AVEN: variants seen among roughly 807,000 people sequenced by gnomAD.
AVEN encodes cell death regulator Aven.
A neutral mutation model predicts 38.1 loss-of-function variants in AVEN; 41 were observed. The ratio of observed to expected loss-of-function variants is 1.08; its 90% confidence interval spans 0.84 to 1.40. AVEN has a LOEUF of 1.40. Among genes scored for constraint, AVEN ranks in the 40% most tolerant of loss-of-function variants. The probability of loss-of-function intolerance (pLI) is 0.00; values close to 1 mark genes in which losing one functional copy is unlikely to be tolerated. For synonymous variants in AVEN, 206 were observed against 171.8 expected (o/e 1.20, Z -1.56); for missense variants, 605 against 438.8 (o/e 1.38, Z -3.38).
At chr15:33,995,005 T>A (rs1225981565) in intron 2 of AVEN, among the ~76,000 whole-genome samples, 1 of 152,214 alleles carries the variant, frequency 6.6e-6, no homozygotes, top group Non-Finnish European at 1.5e-5. Context: ...CTCACACCTG[T>A]AATCTCAGCA....
chr15:34,006,099 G>C (rs963626276), intron 1 of AVEN, among the ~76,000 whole-genome samples: 4 of 151,866 alleles, frequency 2.6e-5, no homozygotes, highest in Non-Finnish European at 5.9e-5. Context: ...ATCACAAGGT[G>C]AGGAGATCGA....
At chr15:34,059,912 C>T (rs1479689847) in intron 5 of AVEN, among the ~76,000 whole-genome samples, 2 of 152,152 alleles carry the variant, frequency 1.3e-5, no homozygotes, top group Non-Finnish European at 2.9e-5. Context: ...GAGACATTAG[C>T]CTATTCCATG....
intron 5 of AVEN, among the ~76,000 whole-genome samples, chr15:34,048,755 C>G (rs1899820892): frequency 6.6e-6 from 1 of 152,212 alleles, no homozygotes; most frequent in African/African-American, 2.4e-5. Flanking sequence ...TGACTGACAC[C>G]TCCCAAAAGG....
chr15:33,944,249 T>C (rs1056361448), intron 2 of AVEN, among the ~76,000 whole-genome samples: 3 of 152,146 alleles, frequency 2.0e-5, no homozygotes, highest in African/African-American at 7.2e-5. Flanking sequence ...CAAGCAACTA[T>C]ACTGTGGTAA....
In AVEN at chr15:34,058,730, C is replaced by T. The variant is rs1900240934; in HGVS notation, n.1637+4192G>A. Among the ~76,000 whole-genome samples the T allele has an allele frequency of 2.0e-5, 3 of 152,150 alleles. No homozygotes were observed. The South Asian group carries it at 6.2e-4, about 32-fold the overall frequency. On this transcript the variant is annotated intron_variant and non_coding_transcript_variant, in intron 5 of 11. Transcript: ENST00000675287. ...TAAAGCCAAATTCTTCTGGTCAGCT[C>T]ATCAGAACATTTATTTCACAAAATG...
In AVEN at chr15:33,955,456, C is replaced by T. The variant is rs185250689; in HGVS notation, c.445+47576G>A. Among the ~76,000 whole-genome samples the T allele has an allele frequency of 8.1e-3, 1,240 of 152,268 alleles. 10 individuals carry two copies. Among genetic ancestry groups the T allele is most frequent in the Non-Finnish European group, 0.014 (950 of 68,018 alleles). ...TGCAGGCATAATCCACAACGTACAA[C>T]GCTTAAAACTATAATGTACCACACA... On this transcript the variant is annotated intron_variant, in intron 2 of 5. Transcript: ENST00000306730.
downstream of AVEN, chr15:33,854,946 C>T: frequency 6.3e-7 from 1 of 1,581,590 alleles, no homozygotes; most frequent in Non-Finnish European, 8.6e-7. Flanking sequence ...CAGAATGGAC[C>T]TGTATATGCA....
intron 5 of AVEN, among the ~76,000 whole-genome samples, chr15:34,057,376 G>A (rs1237348621): frequency 1.3e-5 from 2 of 150,718 alleles, no homozygotes; most frequent in South Asian, 2.1e-4. Context: ...TCTCTTTACC[G>A]CATGATCCAC....
At position 34,030,015 on chromosome 15, in the gene AVEN, A is replaced by G. The variant is rs138323082; in HGVS notation, c.267+8765T>C. Among the ~76,000 whole-genome samples the G allele has an allele frequency of 6.0e-3, 908 of 152,302 alleles. 21 individuals are homozygous for G. Among genetic ancestry groups the G allele is most frequent in the Admixed American group, 0.043 (659 of 15,296 alleles). ...ACACTTGTAATCCCAGCACTTTGGGAGGCCGAGGCAGGCGGATCACTTGAG... is the reference window on the plus strand; with the variant it reads ...ACACTTGTAATCCCAGCACTTTGGGGGGCCGAGGCAGGCGGATCACTTGAG... On this transcript the variant is annotated intron_variant, in intron 1 of 5. Transcript: ENST00000306730.
chr15:33,913,702 A>C (rs1045392405), intron 2 of AVEN, among the ~76,000 whole-genome samples: 1 of 152,228 alleles, frequency 6.6e-6, no homozygotes, highest in Non-Finnish European at 1.5e-5. Flanking sequence ...ATGATAAAGA[A>C]TATAACTAGT....
chr15:34,033,281 G>A (rs1016734798), intron 1 of AVEN, among the ~76,000 whole-genome samples: 15 of 152,224 alleles, frequency 9.9e-5, no homozygotes, highest in African/African-American at 1.4e-4. Context: ...AGAAGCGGGC[G>A]GACTGCCTGA....
At chr15:34,073,986 C>A in intron 1 of AVEN, among the ~76,000 whole-genome samples, 1 of 112,190 alleles carries the variant, frequency 8.9e-6, no homozygotes, top group African/African-American at 4.1e-5. Context: ...TTTTCTTCTT[C>A]TTCTTTTTTT....
intron 2 of AVEN, among the ~76,000 whole-genome samples, chr15:33,901,048 C>T (rs921218992): frequency 1.1e-4 from 17 of 152,270 alleles, no homozygotes; most frequent in Middle Eastern, 3.4e-3. Context: ...AGGCACATCA[C>T]GAGGTCAGGA....
chr15:34,020,298 G>A (rs919220431), intron 1 of AVEN, among the ~76,000 whole-genome samples: 11 of 144,868 alleles, frequency 7.6e-5, no homozygotes, highest in Non-Finnish European at 1.4e-4. Context: ...GTGACCGAGC[G>A]AGACTCCATC....
intron 1 of AVEN, among the ~76,000 whole-genome samples, chr15:34,020,402 G>A (rs1232486349): frequency 6.6e-6 from 1 of 152,192 alleles, no homozygotes; most frequent in East Asian, 1.9e-4. Context: ...CAAGTTGGTT[G>A]CACAATATAA....
intron 1 of AVEN, among the ~76,000 whole-genome samples, chr15:34,073,329 A>G (rs1297490824): frequency 6.7e-6 from 1 of 148,240 alleles, no homozygotes; most frequent in Non-Finnish European, 1.5e-5. Flanking sequence ...TGCTGGGATT[A>G]CAGGCGTGAG....
intron 2 of AVEN, among the ~76,000 whole-genome samples, chr15:33,973,763 C>A (rs1309187870): frequency 6.6e-6 from 1 of 152,076 alleles, no homozygotes; most frequent in Non-Finnish European, 1.5e-5. Context: ...TGGTTGAGGG[C>A]CTTAAGAGTA....
intron 2 of AVEN, among the ~76,000 whole-genome samples, chr15:34,068,399 G>T (rs944900554): frequency 4.0e-5 from 6 of 151,774 alleles, no homozygotes; most frequent in African/African-American, 1.5e-4. Flanking sequence ...TAGAGACAGG[G>T]TTTCACCATG....
chr15:33,930,341 C>CA (rs10610430), intron 2 of AVEN, among the ~76,000 whole-genome samples: 3,350 of 141,464 alleles, frequency 0.024, 41 homozygotes, highest in African/African-American at 0.054. Flanking sequence ...CCATCTAGGA[C>CA]AAAAAAAAAA....
Sources: gnomAD v4.1 joint callset for allele counts (sites outside exome capture counted in the v4.1 genomes callset) on GRCh38, gnomAD v4.1.1 for gene constraint, MANE v1.5 for transcripts, NCBI Gene and HGNC (gene_info 2026-07-23, HGNC 2026-07-21) for gene names.